The following CNTNAP2 variants were observed in gnomAD, a reference collection of about 807,000 sequenced individuals.
The protein encoded by CNTNAP2 is contactin-associated protein-like 2.
A neutral mutation model predicts 155.2 loss-of-function variants in CNTNAP2; 98 were observed. That is an observed-to-expected ratio of 0.63 (90% CI 0.54 to 0.75). The LOEUF (loss-of-function observed/expected upper bound fraction) is 0.75. CNTNAP2 is among the 30% of genes least tolerant of loss of function. CNTNAP2 has a pLI of 0.00. For synonymous variants in CNTNAP2, 651 were observed against 631.2 expected (o/e 1.03, Z -0.47); for missense variants, 1,727 against 1,688.1 (o/e 1.02, Z -0.40).
At chr7:146,713,516 C>G (rs1801134365) in intron 1 of CNTNAP2, among the ~76,000 whole-genome samples, 1 of 152,102 alleles carries the variant, frequency 6.6e-6, no homozygotes, top group Non-Finnish European at 1.5e-5. Flanking sequence ...AATTTTGTCT[C>G]CAGATTTCAG....
intron 1 of CNTNAP2, among the ~76,000 whole-genome samples, chr7:146,448,392 A>ATT (rs34055823): frequency 3.3e-5 from 5 of 149,746 alleles, no homozygotes; most frequent in Non-Finnish European, 4.5e-5. Context: ...AGAATATAGG[A>ATT]TTTTTTTTTT....
At chr7:147,879,125 A>C (rs556367038) in intron 13 of CNTNAP2, among the ~76,000 whole-genome samples, 1 of 152,196 alleles carries the variant, frequency 6.6e-6, no homozygotes, top group Non-Finnish European at 1.5e-5. Flanking sequence ...ATTTCTGAAC[A>C]TGGTAATTTT....
At chr7:146,484,853 A>G (rs977967515) in intron 1 of CNTNAP2, among the ~76,000 whole-genome samples, 3 of 152,096 alleles carry the variant, frequency 2.0e-5, no homozygotes, top group Admixed American at 6.5e-5. Context: ...CAACCCTTAC[A>G]TATTCTTATT....
intron 21 of CNTNAP2, among the ~76,000 whole-genome samples, chr7:148,370,657 G>A (rs776854117): frequency 2.0e-5 from 3 of 151,526 alleles, no homozygotes; most frequent in African/African-American, 7.3e-5. Context: ...GCCCTTCCCT[G>A]GTGTTTCCAC....
intron 13 of CNTNAP2, among the ~76,000 whole-genome samples, chr7:147,714,024 C>T (rs1369290502): frequency 2.0e-5 from 3 of 152,146 alleles, no homozygotes; most frequent in African/African-American, 7.2e-5. Flanking sequence ...CATCCCATTA[C>T]TAGCTGTTAC....
intron 17 of CNTNAP2, among the ~76,000 whole-genome samples, chr7:148,158,222 C>CTTTTTTTTT (rs1224617335): frequency 0.017 from 1,589 of 94,642 alleles, 474 homozygotes; most frequent in African/African-American, 0.073. Context: ...AATGTTTGCG[C>CTTTTTTTTT]TTTTTTTTTT....
intron 3 of CNTNAP2, among the ~76,000 whole-genome samples, chr7:147,002,882 G>C (rs1798450508): frequency 6.7e-6 from 1 of 148,718 alleles, no homozygotes; most frequent in African/African-American, 2.5e-5. Context: ...TTGCAGGTTA[G>C]GGTTTCAACA....
chr7:146,495,512 GC>G (rs577669139), intron 1 of CNTNAP2, among the ~76,000 whole-genome samples: 1 of 149,140 alleles, frequency 6.7e-6, no homozygotes, highest in South Asian at 2.1e-4. Context: ...ATGAAGGCAA[GC>G]AGAATCAAAT....
At chr7:147,842,376 A>G (rs978772341) in intron 13 of CNTNAP2, among the ~76,000 whole-genome samples, 1 of 152,190 alleles carries the variant, frequency 6.6e-6, no homozygotes. Flanking sequence ...TGTGAATCAC[A>G]GTGTTATATT....
At chr7:148,230,598 G>A (rs924449099) in intron 20 of CNTNAP2, among the ~76,000 whole-genome samples, 5 of 152,120 alleles carry the variant, frequency 3.3e-5, no homozygotes, top group Admixed American at 1.3e-4. Context: ...ATTCTGATTC[G>A]GCTGGATGCT....
At chr7:148,107,566 C>A (rs1458826255) in intron 15 of CNTNAP2, among the ~76,000 whole-genome samples, 1 of 152,150 alleles carries the variant, frequency 6.6e-6, no homozygotes, top group Non-Finnish European at 1.5e-5. Flanking sequence ...AGGCCTAGAG[C>A]TGAACAAAGC....
At chr7:146,421,838 A>T (rs1796016057) in intron 1 of CNTNAP2, among the ~76,000 whole-genome samples, 1 of 151,980 alleles carries the variant, frequency 6.6e-6, no homozygotes, top group Admixed American at 6.6e-5. Flanking sequence ...TGTATCTTAC[A>T]AATTTCCCAA....
At chr7:146,152,566 C>G (rs1798067944) in intron 1 of CNTNAP2, among the ~76,000 whole-genome samples, 1 of 151,938 alleles carries the variant, frequency 6.6e-6, no homozygotes, top group South Asian at 2.1e-4. Context: ...CATATGTTAC[C>G]CAGCTGGATG....
At chr7:148,259,509 G>C (rs1017238569) in intron 20 of CNTNAP2, among the ~76,000 whole-genome samples, 1 of 152,026 alleles carries the variant, frequency 6.6e-6, no homozygotes, top group Admixed American at 6.5e-5. Context: ...TAAAATTAAC[G>C]ATTAGGAAAA....
intron 8 of CNTNAP2, among the ~76,000 whole-genome samples, chr7:147,256,979 G>A (rs1201842289): frequency 1.4e-5 from 2 of 143,574 alleles, no homozygotes; most frequent in Non-Finnish European, 3.0e-5. Flanking sequence ...AGAAACAAAG[G>A]AATAATAATA....
At chr7:146,809,647 A>C (rs1014198628) in intron 2 of CNTNAP2, among the ~76,000 whole-genome samples, 1 of 151,742 alleles carries the variant, frequency 6.6e-6, no homozygotes, top group African/African-American at 2.4e-5. Flanking sequence ...TATAGGCTTG[A>C]GCCACTGCAC....
chr7:146,421,262 T>G (rs1487892263), intron 1 of CNTNAP2, among the ~76,000 whole-genome samples: 2 of 152,052 alleles, frequency 1.3e-5, no homozygotes, highest in Non-Finnish European at 2.9e-5. Flanking sequence ...AGAATTAGAT[T>G]GAACTATTAC....
chr7:147,596,289 T>A (rs540363766), intron 12 of CNTNAP2, among the ~76,000 whole-genome samples: 5 of 152,300 alleles, frequency 3.3e-5, no homozygotes, highest in Admixed American at 2.0e-4. Flanking sequence ...ACCAATAACT[T>A]CTATTTTTTA....
intron 1 of CNTNAP2, among the ~76,000 whole-genome samples, chr7:146,586,970 C>A (rs566891266): frequency 6.6e-6 from 1 of 151,814 alleles, no homozygotes; most frequent in Admixed American, 6.6e-5. Context: ...ATAAGAATGA[C>A]ACGATCATTC....
Sources: gnomAD v4.1 joint callset for allele counts (sites outside exome capture counted in the v4.1 genomes callset) on GRCh38, gnomAD v4.1.1 for gene constraint, MANE v1.5 for transcripts, NCBI Gene and HGNC (gene_info 2026-07-23, HGNC 2026-07-21) for gene names.